ADGRB3: variants seen among roughly 807,000 people sequenced by gnomAD.
The protein encoded by ADGRB3 is brain-specific angiogenesis inhibitor 3.
A neutral mutation model predicts 193.4 loss-of-function variants in ADGRB3; 37 were observed. The ratio of observed to expected loss-of-function variants is 0.19; its 90% CI spans 0.15 to 0.25. The LOEUF (loss-of-function observed/expected upper bound fraction) is 0.25, where lower values mean the gene tolerates loss of function less well. ADGRB3 is among the 10% of genes least tolerant of loss of function. The probability of loss-of-function intolerance (pLI) is 1.00; values close to 1 mark genes in which losing one functional copy is unlikely to be tolerated. For missense variants in ADGRB3, 1,637 were observed against 1,852.9 expected (o/e 0.88, Z 2.14); for synonymous variants, 690 against 644.2 (o/e 1.07, Z -1.08).
At chr6:68,727,530 C>T (rs1279670725) in intron 3 of ADGRB3, among the ~76,000 whole-genome samples, 1 of 151,376 alleles carries the variant, frequency 6.6e-6, no homozygotes, top group Non-Finnish European at 1.5e-5. Flanking sequence ...TGGAGAAAAA[C>T]TAAAAGATGT....
rs73473320 is a variant in ADGRB3, at chr6:69,336,963, G to A, written c.3189-1953G>A. Among the ~76,000 whole-genome samples the A allele has an allele frequency of 7.0e-3, 1,071 of 152,206 alleles. 12 individuals carry two copies. Among genetic ancestry groups the A allele is most frequent in the African/African-American group, 0.022 (920 of 41,538 alleles). On this transcript the variant is annotated intron_variant, in intron 24 of 31. Transcript: ENST00000370598. Reference sequence around the variant, plus strand: ...GTCCTACCAGTTAACATCAAGCATAGTTTTTAACAGTTAGCCCTGACTAAG... The same window carrying A: ...GTCCTACCAGTTAACATCAAGCATAATTTTTAACAGTTAGCCCTGACTAAG...
At chr6:68,719,925 A>G (rs1019172534) in intron 3 of ADGRB3, among the ~76,000 whole-genome samples, 5 of 151,660 alleles carry the variant, frequency 3.3e-5, no homozygotes, top group African/African-American at 1.2e-4. Flanking sequence ...AGAGAGAGAG[A>G]CTGATTGACA....
At chr6:68,933,865 G>A (rs971676830) in intron 4 of ADGRB3, among the ~76,000 whole-genome samples, 1 of 152,098 alleles carries the variant, frequency 6.6e-6, no homozygotes, top group African/African-American at 2.4e-5. Context: ...TAATTGCAAT[G>A]CTTTTCCAGT....
Position 68,943,922 on chromosome 6 carries a change from C to A in ADGRB3, c.1123C>A (p.Pro375Thr). 6.2e-7 allele frequency: 1 copy of A among 1,614,004 alleles called. No individual in the cohort carries two copies. Among genetic ancestry groups the A allele is most frequent in the African/African-American group, 1.3e-5 (1 of 75,040 alleles). ...QRTRTRSCTPPQYGGRPCEGP... is the reference protein window; with the variant it reads ...QRTRTRSCTPTQYGGRPCEGP... ...AACAAGAACAAGGTCATGCACACCT[C>A]CTCAGTATGGAGGAAGGCCGTGTGA... The change falls in exon 6 of 32, where the codon CCT (proline) becomes ACT (threonine). Residue 375 changes from proline (P) to threonine (T), a missense_variant. Pro to Thr is a conservative substitution (Grantham distance 38, BLOSUM62 -1). Coordinates refer to ENST00000370598, the MANE Select transcript of ADGRB3 (RefSeq NM_001704.3).
At chr6:68,828,650 A>C (rs1767894315) in intron 3 of ADGRB3, among the ~76,000 whole-genome samples, 1 of 78,506 alleles carries the variant, frequency 1.3e-5, no homozygotes. Context: ...CAAAGAAAAT[A>C]GTAAAACAAT....
chr6:68,643,082 C>T (rs1255723479), intron 3 of ADGRB3, among the ~76,000 whole-genome samples: 1 of 152,096 alleles, frequency 6.6e-6, no homozygotes, highest in Admixed American at 6.6e-5. Context: ...CATAATAAGC[C>T]TTAATGGAAT....
chr6:69,233,144 ATCC>A, intron 17 of ADGRB3, 143 bp from the exon 18 acceptor site: 1 of 1,164,210 alleles, frequency 8.6e-7, no homozygotes. Flanking sequence ...TCTAAATTAC[ATCC>A]TGTTCAACAA....
At chr6:68,892,824 C>A (rs1002626260) in intron 3 of ADGRB3, among the ~76,000 whole-genome samples, 1 of 152,004 alleles carries the variant, frequency 6.6e-6, no homozygotes, top group African/African-American at 2.4e-5. Context: ...TTTATTAAGA[C>A]AGAAGAAACT....
At chr6:69,143,775 G>C (rs1436767921) in intron 17 of ADGRB3, among the ~76,000 whole-genome samples, 1 of 151,948 alleles carries the variant, frequency 6.6e-6, no homozygotes, top group East Asian at 1.9e-4. Flanking sequence ...TGCTTTTTTG[G>C]TTACTATAGC....
chr6:69,298,555 C>T lies in ADGRB3; in HGVS notation c.2815-26317C>T, dbSNP rs191006819. ...ACCCTCTCCGTATTAGCCTGCCCAG[C>T]ATCTCGTAACCATCATTCTAATGTG... On this transcript the variant is annotated intron_variant, in intron 20 of 31. Coordinates refer to ENST00000370598, the MANE Select transcript of ADGRB3 (RefSeq NM_001704.3). Among the ~76,000 whole-genome samples the T allele has an allele frequency of 2.0e-3, 307 of 152,046 alleles. 3 individuals carry two copies. The highest frequency in any genetic ancestry group is 3.6e-3 in the Non-Finnish European group (243 of 67,942).
intron 3 of ADGRB3, among the ~76,000 whole-genome samples, chr6:68,923,236 A>G (rs1488790382): frequency 6.6e-6 from 1 of 152,072 alleles, no homozygotes; most frequent in African/African-American, 2.4e-5. Context: ...GTATTTCTAG[A>G]TTCTCTTTTA....
intron 17 of ADGRB3, among the ~76,000 whole-genome samples, chr6:69,098,959 C>A (rs1328611457): frequency 6.6e-6 from 1 of 152,144 alleles, no homozygotes; most frequent in African/African-American, 2.4e-5. Flanking sequence ...TTGAGAAGTT[C>A]TTAATTCTTA....
chr6:68,789,931 C>T (rs1033226436), intron 3 of ADGRB3, among the ~76,000 whole-genome samples: 1 of 152,190 alleles, frequency 6.6e-6, no homozygotes, highest in African/African-American at 2.4e-5. Context: ...ACCCTTTCTT[C>T]CAGTTGATCG....
chr6:69,347,900 A>G (rs570470078), intron 26 of ADGRB3, among the ~76,000 whole-genome samples: 1 of 152,330 alleles, frequency 6.6e-6, no homozygotes, highest in Non-Finnish European at 1.5e-5. Flanking sequence ...CTGCTTTTAA[A>G]TAAGAGCATG....
chr6:69,080,506 T>C (rs1031351235), intron 17 of ADGRB3, among the ~76,000 whole-genome samples: 1 of 151,904 alleles, frequency 6.6e-6, no homozygotes, highest in Non-Finnish European at 1.5e-5. Context: ...AGAGGTCTTG[T>C]TGGAGACTTC....
chr6:69,087,149 G>A (rs556248107), intron 17 of ADGRB3, among the ~76,000 whole-genome samples: 10 of 152,158 alleles, frequency 6.6e-5, no homozygotes, highest in South Asian at 2.1e-4. Context: ...AGACTGCTCT[G>A]GTATCTGGTA....
chr6:68,733,909 C>A (rs1007207071), intron 3 of ADGRB3, among the ~76,000 whole-genome samples: 1 of 150,806 alleles, frequency 6.6e-6, no homozygotes, highest in African/African-American at 2.5e-5. Flanking sequence ...GGATGAATAC[C>A]CCATTCGCCA....
At chr6:68,730,322 A>G (rs549865889) in intron 3 of ADGRB3, among the ~76,000 whole-genome samples, 2 of 151,570 alleles carry the variant, frequency 1.3e-5, no homozygotes, top group Non-Finnish European at 3.0e-5. Flanking sequence ...AATAAGGGGA[A>G]TAACACTTTA....
chr6:69,005,626 G>A (rs1769725153), intron 11 of ADGRB3, among the ~76,000 whole-genome samples: 1 of 151,940 alleles, frequency 6.6e-6, no homozygotes, highest in South Asian at 2.1e-4. Flanking sequence ...GTGAGTATTA[G>A]GATATATTAG....
Sources: gnomAD v4.1 joint callset for allele counts (sites outside exome capture counted in the v4.1 genomes callset) on GRCh38, gnomAD v4.1.1 for gene constraint, MANE v1.5 for transcripts, NCBI Gene and HGNC (gene_info 2026-07-23, HGNC 2026-07-21) for gene names.